The following N4BP2L2 variants were observed in gnomAD, a reference collection of about 807,000 sequenced individuals.
N4BP2L2 encodes NEDD4-binding protein 2-like 2.
N4BP2L2 carries 50 observed loss-of-function variants against 56.2 expected under a neutral mutation model. The observed-to-expected ratio is 0.89, with a 90% CI of 0.71 to 1.13. The LOEUF is 1.13. N4BP2L2 is among the 50% of genes most tolerant of loss of function. N4BP2L2 has a pLI of 0.00. For missense variants in N4BP2L2, 689 were observed against 693.8 expected (o/e 0.99, Z 0.08); for synonymous variants, 203 against 223.6 (o/e 0.91, Z 0.82).
intron 6 of N4BP2L2, among the ~76,000 whole-genome samples, chr13:32,494,226 TG>T (rs1202413548): frequency 2.6e-5 from 4 of 151,890 alleles, no homozygotes; most frequent in Admixed American, 2.6e-4. Flanking sequence ...GAGGTTGCAG[TG>T]AGCCAAGATT....
At chr13:32,520,677 G>C (rs568487264) in intron 5 of N4BP2L2, among the ~76,000 whole-genome samples, 1 of 144,954 alleles carries the variant, frequency 6.9e-6, no homozygotes, top group African/African-American at 2.5e-5. Context: ...AAAAGTAAAG[G>C]AAAAAAAAAA....
At chr13:32,532,517 AT>A (rs2055124872) in intron 2 of N4BP2L2, among the ~76,000 whole-genome samples, 1 of 152,024 alleles carries the variant, frequency 6.6e-6, no homozygotes, top group Non-Finnish European at 1.5e-5. Context: ...CCCTACTAAT[AT>A]AAAATGTCAT....
intron 6 of N4BP2L2, chr13:32,477,981 G>A (rs1361058086): frequency 1.6e-6 from 2 of 1,289,204 alleles, no homozygotes; most frequent in Non-Finnish European, 1.0e-6. Flanking sequence ...CAGCTCCCAA[G>A]TCATTGTCTG....
At chr13:32,535,052 C>G (rs999135388) in intron 2 of N4BP2L2, among the ~76,000 whole-genome samples, 10 of 152,182 alleles carry the variant, frequency 6.6e-5, no homozygotes, top group Non-Finnish European at 1.0e-4. Flanking sequence ...AAAAGGGTTC[C>G]TTCTGCCAAT....
intron 6 of N4BP2L2, chr13:32,446,527 G>T (rs750725855): frequency 1.5e-6 from 2 of 1,297,098 alleles, no homozygotes; most frequent in South Asian, 1.2e-5. Context: ...TTGTTGTTGC[G>T]TTATTCATTC....
intron 7 of N4BP2L2, among the ~76,000 whole-genome samples, chr13:32,440,237 A>T (rs2076100761): frequency 6.6e-6 from 1 of 152,102 alleles, no homozygotes. Flanking sequence ...GAGCCAAGTT[A>T]AAAAACTCAG....
At chr13:32,447,761 T>C (rs1447973906) in intron 6 of N4BP2L2, among the ~76,000 whole-genome samples, 1 of 152,148 alleles carries the variant, frequency 6.6e-6, no homozygotes, top group Non-Finnish European at 1.5e-5. Context: ...ATCAGCTGCT[T>C]CAGAAAAGGA....
chr13:32,496,191 G>A (rs1187488783), intron 6 of N4BP2L2, among the ~76,000 whole-genome samples: 1 of 148,554 alleles, frequency 6.7e-6, no homozygotes, highest in Non-Finnish European at 1.5e-5. Context: ...ATGCAACCAA[G>A]CTACCTATTT....
exon 2 of N4BP2L2, chr13:32,536,686 A>G (rs1003990722): frequency 6.2e-7 from 1 of 1,612,834 alleles, no homozygotes; most frequent in East Asian, 2.2e-5. Flanking sequence ...TATATATCTC[A>G]TCGTCTGCGG....
At chr13:32,490,459 C>T (rs966731753) in intron 6 of N4BP2L2, among the ~76,000 whole-genome samples, 3 of 152,104 alleles carry the variant, frequency 2.0e-5, no homozygotes, top group Non-Finnish European at 4.4e-5. Flanking sequence ...CACCTGTCAC[C>T]ATGCCCGGCT....
chr13:32,444,226 T>C (rs960359367), intron 6 of N4BP2L2: 13 of 890,108 alleles, frequency 1.5e-5, no homozygotes, highest in Non-Finnish European at 2.0e-5. Context: ...TAAAAACCTT[T>C]AGTACAAGAG....
At chr13:32,476,010 G>T (rs1052832795) in intron 6 of N4BP2L2, among the ~76,000 whole-genome samples, 1 of 152,160 alleles carries the variant, frequency 6.6e-6, no homozygotes, top group Admixed American at 6.5e-5. Context: ...ACCTTAAAAT[G>T]GTATTGAGGA....
At chr13:32,485,382 T>C (rs1248782467) in intron 6 of N4BP2L2, among the ~76,000 whole-genome samples, 1 of 152,074 alleles carries the variant, frequency 6.6e-6, no homozygotes, top group Non-Finnish European at 1.5e-5. Flanking sequence ...AAGAAGAATA[T>C]CAATTCTTAA....
Position 32,443,387 on chromosome 13 carries a change from A to AG in N4BP2L2, c.1104dup (p.Tyr369LeufsTer4). ...GGTCCTGCAGGCCAGCTACCAAAAT[A>AG]GGGCTGTCTGTCAGAGCCCAGCTGT... On this transcript the variant is annotated frameshift_variant, in exon 7 of 10. Transcript: ENST00000357505. LOFTEE classifies it high-confidence loss of function. 1.9e-6 allele frequency: 3 copies of AG among 1,614,044 alleles called. No homozygotes were observed. In the East Asian group the frequency reaches 6.7e-5, roughly 36 times the overall value.
intron 6 of N4BP2L2, among the ~76,000 whole-genome samples, chr13:32,501,645 T>G (rs927321236): frequency 2.0e-5 from 3 of 151,898 alleles, no homozygotes; most frequent in Non-Finnish European, 4.4e-5. Context: ...AAACCCCGTC[T>G]CTACTAAAAA....
At chr13:32,438,991 A>G (rs185849661) in intron 7 of N4BP2L2, among the ~76,000 whole-genome samples, 278 of 152,332 alleles carry the variant, frequency 1.8e-3, no homozygotes, top group Middle Eastern at 3.4e-3. Context: ...GGCTCGTCCA[A>G]TCTAGCCAAA....
downstream of N4BP2L2, chr13:32,505,722 G>A (rs1381004898): frequency 2.6e-5 from 4 of 152,052 alleles, no homozygotes; most frequent in African/African-American, 9.7e-5. Flanking sequence ...TTCCTCATTT[G>A]TTTGAGTTCC....
At chr13:32,467,344 G>A (rs1321113363) in intron 6 of N4BP2L2, among the ~76,000 whole-genome samples, 2 of 151,460 alleles carry the variant, frequency 1.3e-5, no homozygotes, top group African/African-American at 4.9e-5. Context: ...TGCAACCTCC[G>A]TCTCCTGGGT....
intron 2 of N4BP2L2, among the ~76,000 whole-genome samples, chr13:32,532,895 T>TA (rs1225391384): frequency 1.3e-5 from 2 of 150,302 alleles, no homozygotes; most frequent in African/African-American, 4.9e-5. Context: ...CGGCCTTTTT[T>TA]TAAAAAAAAA....
Sources: allele counts gnomAD v4.1 joint callset (sites outside exome capture counted in the v4.1 genomes callset), GRCh38; gene constraint gnomAD v4.1.1; transcripts MANE v1.5; gene names NCBI Gene and HGNC (gene_info 2026-07-23, HGNC 2026-07-21).